Variants in NOLC1 observed in about 807,000 individuals in gnomAD.
The protein encoded by NOLC1 is 140 kDa nucleolar phosphoprotein.
A neutral mutation model predicts 73.4 loss-of-function variants in NOLC1; 37 were observed. The ratio of observed to expected loss-of-function variants is 0.50; its 90% CI spans 0.39 to 0.66. NOLC1 has a LOEUF of 0.66. Among genes scored for constraint, NOLC1 ranks in the 30% least tolerant of loss-of-function variants. The pLI, the probability that NOLC1 is intolerant of heterozygous loss-of-function variation, is 0.00. For missense variants in NOLC1, 921 were observed against 838.9 expected (o/e 1.10, Z -1.21); for synonymous variants, 327 against 302.6 (o/e 1.08, Z -0.84).
intron 1 of NOLC1, among the ~76,000 whole-genome samples, chr10:102,155,022 A>ATTTTTTTTTTTTTTTT (rs34034390): frequency 2.0e-4 from 26 of 131,234 alleles, no homozygotes; most frequent in African/African-American, 7.4e-4. Flanking sequence ...CACCTGGCTA[A>ATTTTTTTTTTTTTTTT]TTTTTTTTTT....
At position 102,159,242 on chromosome 10, in the gene NOLC1, T is replaced by TAGC. The variant is rs769073948; in HGVS notation, c.672_674dup (p.Ser227dup). ...ATGGTAAAGCAGCCAGTAGCAGCAG[T>TAGC]AGCAGCAGCAGCAGCAGTAGCAGTG... is the stretch of plus-strand genomic sequence containing the variant. On this transcript the variant is annotated inframe_insertion, in exon 6 of 13. Coordinates refer to ENST00000605788, the MANE Select transcript of NOLC1 (RefSeq NM_004741.5). The TAGC allele has an allele frequency of 2.9e-5, 47 of 1,612,878 alleles. No individual in the cohort carries two copies. The highest frequency in any genetic ancestry group is 1.1e-4 in the African/African-American group (8 of 74,800).
At position 102,163,246 on chromosome 10, in the gene NOLC1, G is replaced by A. The variant is rs2069742490; in HGVS notation, c.*977G>A. ...GTTGAGAATCACTGATCAAGAAAGT[G>A]GGGGGAAAAAAAACAAACGTTAAAA... On this transcript the variant is annotated 3_prime_UTR_variant, in exon 13 of 13. Transcript: ENST00000605788. 6.6e-6 allele frequency: 1 copy of A among 151,744 alleles called. No homozygotes were observed. Among genetic ancestry groups the A allele is most frequent in the South Asian group, 2.1e-4 (1 of 4,818 alleles). 9.4% of individuals were successfully genotyped at this position (151,744 alleles called of 1,614,324 possible). A position where few individuals can be genotyped will look rare whatever the true frequency, so the allele number is the denominator to read the frequency against.
At chr10:102,157,771 C>T (rs768086020) in intron 4 of NOLC1, among the ~76,000 whole-genome samples, 1 of 151,932 alleles carries the variant, frequency 6.6e-6, no homozygotes, top group Non-Finnish European at 1.5e-5. Flanking sequence ...GAAATTAAAC[C>T]CATTCTGCTT....
rs1203637912 is a variant in NOLC1 at position 102,157,511 on chromosome 10, A to G, written c.397A>G (p.Ser133Gly). Residue 133 changes from serine to glycine, a missense_variant, in exon 4 of 13, where the codon AGT becomes GGT. Physicochemically the swap from Ser to Gly is moderately conservative, Grantham distance 56. Transcript: ENST00000605788. ...AGAGAGTAGCAGCAGTGAAGAGTCC[A>G]GTGATGATGATGATGAGGAGGACCA... ...ASESSSSEESSDDDDEEDQKK... is the reference protein window; with the variant it reads ...ASESSSSEESGDDDDEEDQKK... The G allele has an allele frequency of 1.2e-6, 2 of 1,614,170 alleles. No homozygotes were observed. Among genetic ancestry groups the G allele is most frequent in the Non-Finnish European group, 1.7e-6 (2 of 1,180,020 alleles).
At chr10:102,157,843 C>T (rs1382074646) in intron 4 of NOLC1, among the ~76,000 whole-genome samples, 2 of 152,036 alleles carry the variant, frequency 1.3e-5, no homozygotes, top group Admixed American at 1.3e-4. Flanking sequence ...GAGTGTTTTC[C>T]TGGGAGCTTT....
At chr10:102,156,890 C>A (rs902537803) in intron 1 of NOLC1, 129 bp from the exon 2 acceptor site, 2 of 892,870 alleles carry the variant, frequency 2.2e-6, no homozygotes, top group African/African-American at 1.7e-5. Context: ...GATTTATGCA[C>A]GTAGCAAAAG....
At chr10:102,161,684 T>C in intron 11 of NOLC1, 22 bp downstream of exon 11, 1 of 1,597,274 alleles carries the variant, frequency 6.3e-7, no homozygotes, top group Non-Finnish European at 8.6e-7. Flanking sequence ...CACTTTCTTC[T>C]CAGGAGCCAG....
chr10:102,155,409 A>G (rs554483303), intron 1 of NOLC1, among the ~76,000 whole-genome samples: 75 of 150,546 alleles, frequency 5.0e-4, no homozygotes, highest in African/African-American at 1.6e-3. Flanking sequence ...AGAGAGAGAG[A>G]TGGAGGTCTC....
intron 4 of NOLC1, among the ~76,000 whole-genome samples, 171 bp downstream of exon 4, chr10:102,157,726 A>T (rs1055887454): frequency 6.6e-6 from 1 of 152,046 alleles, no homozygotes; most frequent in African/African-American, 2.4e-5. Flanking sequence ...TCTGGAAGGG[A>T]TGTGTGAGGT....
At chr10:102,157,965 C>T (rs2069626268) in intron 4 of NOLC1, 84 bp from the exon 5 acceptor site, 1 of 1,225,768 alleles carries the variant, frequency 8.2e-7, no homozygotes, top group East Asian at 2.3e-5. Flanking sequence ...CTCCATTAGG[C>T]CCCTAAAAAT....
At chr10:102,152,933 C>T (rs1412839501) in intron 1 of NOLC1, among the ~76,000 whole-genome samples, 1 of 152,158 alleles carries the variant, frequency 6.6e-6, no homozygotes, top group Non-Finnish European at 1.5e-5. Context: ...GTCACATTTA[C>T]TGGGATTCAA....
chr10:102,154,767 T>C (rs2069562661), intron 1 of NOLC1, among the ~76,000 whole-genome samples: 1 of 152,014 alleles, frequency 6.6e-6, no homozygotes, highest in Non-Finnish European at 1.5e-5. Flanking sequence ...GATCAGGTGA[T>C]CCACCCACCT....
Position 102,160,847 on chromosome 10 carries a change from G to A in NOLC1, c.1495G>A (p.Gly499Arg). 1.2e-6 allele frequency: 2 copies of A among 1,614,184 alleles called. No individual in the cohort carries two copies. The highest frequency in any genetic ancestry group is 1.7e-6 in the Non-Finnish European group (2 of 1,180,034). The change falls in exon 10 of 13, where the codon GGA becomes AGA. Residue 499 changes from glycine (G) to arginine (R), a missense_variant. Gly to Arg is a moderately radical substitution (Grantham distance 125, BLOSUM62 -2). Transcript: ENST00000605788. The stretch of plus-strand genomic sequence containing the variant: ...TAAGAAGAAGCCACAGAAGGTAGCA[G>A]GAGGTGCAGCCCCTTCCAAGCCAGC... ...AVKKKPQKVA[G>R]GAAPSKPASA...
In NOLC1 at chr10:102,152,510, T is replaced by C; in HGVS notation, c.100T>C (p.Phe34Leu). 1 of 1,613,852 alleles carries C rather than the reference T, an allele frequency of 6.2e-7. No individual in the cohort carries two copies. Among genetic ancestry groups the C allele is most frequent in the Non-Finnish European group, 8.5e-7 (1 of 1,180,028 alleles). Residue 34 changes from phenylalanine to leucine, a missense_variant, in exon 1 of 13, where the codon TTC (phenylalanine) becomes CTC (leucine). Phe to Leu is a conservative substitution (Grantham distance 22, BLOSUM62 0). Transcript: ENST00000605788. Reference sequence around the variant, plus strand: ...CCAACTCTCAGAGGTGGCCAATAAGTTCGCCAAAGCGACAGGAGCTGTGAG... The same window carrying C: ...CCAACTCTCAGAGGTGGCCAATAAGCTCGCCAAAGCGACAGGAGCTGTGAG... ...DNQLSEVANKFAKATGATQQD... is the reference protein window; with the variant it reads ...DNQLSEVANKLAKATGATQQD...
At position 102,160,493 on chromosome 10, in the gene NOLC1, G is replaced by T. The variant is rs762321274; in HGVS notation, c.1141G>T (p.Ala381Ser). 2 of 1,614,080 alleles carry T rather than the reference G, an allele frequency of 1.2e-6. No individual in the cohort carries two copies. The highest frequency in any genetic ancestry group is 1.7e-5 in the Admixed American group (1 of 60,000). ...GGATGATGAAGCTCCTTCTAAGCCA[G>T]CTGGTACCACCAAGAATTCTTCAAA... Reference protein sequence around the residue: ...SEDDEAPSKPAGTTKNSSNKP... With the variant: ...SEDDEAPSKPSGTTKNSSNKP... Residue 381 changes from alanine (A) to serine (S), a missense_variant, in exon 10 of 13, where the codon GCT becomes TCT. Coordinates refer to ENST00000605788, the MANE Select transcript of NOLC1 (RefSeq NM_004741.5).
In NOLC1 at chr10:102,160,281, C is replaced by G; in HGVS notation, c.1037C>G (p.Ser346Cys). 1 of 1,614,220 alleles carries G rather than the reference C, an allele frequency of 6.2e-7. No individual in the cohort carries two copies. Among genetic ancestry groups the G allele is most frequent in the Non-Finnish European group, 8.5e-7 (1 of 1,180,024 alleles). ...AAACCCCCAACTAAGGCAGTAGTCT[C>G]TAAAGCAACCACTAAACCACCTCCA... ...EKKPPTKAVV[S>C]KATTKPPPAK... The change falls in exon 9 of 13, where the codon TCT becomes TGT. Residue 346 changes from serine (S) to cysteine (C), a missense_variant. By Grantham distance (112) the Ser-to-Cys change is moderately radical. Coordinates refer to ENST00000605788, the MANE Select transcript of NOLC1 (RefSeq NM_004741.5).
chr10:102,155,668 C>T (rs2069583217), intron 1 of NOLC1, among the ~76,000 whole-genome samples: 1 of 151,474 alleles, frequency 6.6e-6, no homozygotes, highest in African/African-American at 2.4e-5. Flanking sequence ...ACCACCATGC[C>T]CAGTTAATTT....
rs775971144 is a variant in NOLC1, at chr10:102,162,244, A to G, written c.2075A>G (p.Asn692Ser). Residue 692 changes from asparagine (N) to serine (S), a missense_variant, in exon 13 of 13, where the codon AAT (asparagine) becomes AGT (serine). Physicochemically the swap from Asn to Ser is conservative, Grantham distance 46 (BLOSUM62 1). Coordinates refer to ENST00000605788, the MANE Select transcript of NOLC1 (RefSeq NM_004741.5). ...YRGGSISVQV[N>S]SIKFDSE ...GGAGGCTCAATCTCTGTCCAGGTCA[A>G]TTCTATTAAGTTTGACAGCGAGTGA... 8 of 1,613,962 alleles carry G rather than the reference A, an allele frequency of 5.0e-6. No homozygotes were observed. The Admixed American group carries it at 5.0e-5, about 10-fold the overall frequency.
At position 102,160,579 on chromosome 10, in the gene NOLC1, T is replaced by A. The variant is rs1406626806; in HGVS notation, c.1227T>A (p.Pro409=). The A allele has an allele frequency of 6.2e-7, 1 of 1,614,052 alleles. No homozygotes were observed. The highest frequency in any genetic ancestry group is 1.7e-5 in the Admixed American group (1 of 60,004). Residue 409 remains proline (P), a synonymous_variant, in exon 10 of 13, where the codon CCT becomes CCA. Transcript: ENST00000605788. ...AVKPAAAPKQ[P]VGGGQKLLTR... is the part of the protein sequence containing the mutation. ...AGCCAGCTGCAGCCCCCAAGCAACC[T>A]GTGGGCGGTGGCCAGAAGCTTCTGA...
Sources: gnomAD v4.1 joint callset for allele counts (sites outside exome capture counted in the v4.1 genomes callset) on GRCh38, gnomAD v4.1.1 for gene constraint, MANE v1.5 for transcripts, NCBI Gene and HGNC (gene_info 2026-07-23, HGNC 2026-07-21) for gene names.